The following EML6 variants were observed in gnomAD, a reference collection of about 807,000 sequenced individuals.
The protein encoded by EML6 is echinoderm microtubule-associated protein-like 6.
Under a neutral mutation model 240.1 loss-of-function variants are expected in EML6, and 154 were observed. That is an observed-to-expected ratio of 0.64 (90% CI 0.56 to 0.73). EML6 has a LOEUF of 0.73. Among genes scored for constraint, EML6 ranks in the 30% least tolerant of loss-of-function variants. The pLI is 0.00. For synonymous variants in EML6, 1,148 were observed against 899.0 expected (o/e 1.28, Z -4.95); for missense variants, 2,964 against 2,474.6 (o/e 1.20, Z -4.20).
intron 16 of EML6, among the ~76,000 whole-genome samples, chr2:54,875,971 C>T (rs1671486974): frequency 6.6e-6 from 1 of 152,168 alleles, no homozygotes; most frequent in Admixed American, 6.5e-5. Context: ...AAAACCTACG[C>T]ATTTTTTATG....
intron 7 of EML6, among the ~76,000 whole-genome samples, chr2:54,829,952 A>T (rs970383489): frequency 2.0e-5 from 3 of 152,180 alleles, no homozygotes; most frequent in Admixed American, 2.0e-4. Context: ...AAGAAATTGA[A>T]CGGCAGTCTC....
At chr2:54,738,696 A>G (rs1180873605) in intron 2 of EML6, among the ~76,000 whole-genome samples, 2 of 152,176 alleles carry the variant, frequency 1.3e-5, no homozygotes, top group Non-Finnish European at 2.9e-5. Flanking sequence ...CTTTCAGTCA[A>G]TACTATGTTG....
At chr2:54,910,558 A>G (rs1673584873) in intron 24 of EML6, among the ~76,000 whole-genome samples, 1 of 152,218 alleles carries the variant, frequency 6.6e-6, no homozygotes, top group Non-Finnish European at 1.5e-5. Flanking sequence ...TTTTATTTCT[A>G]ATTGCCATAA....
intron 26 of EML6, among the ~76,000 whole-genome samples, chr2:54,917,287 T>C (rs915729401): frequency 1.3e-5 from 2 of 152,260 alleles, no homozygotes; most frequent in South Asian, 2.1e-4. Flanking sequence ...CAACTGATTT[T>C]TAAATACCTC....
Position 54,850,199 on chromosome 2 carries a change from A to G in EML6, c.1425A>G (p.Arg475=), listed in dbSNP as rs955122469. Residue 475 remains arginine (R), a synonymous_variant, in exon 10 of 42, where the codon CGA becomes CGG. Transcript: ENST00000356458. ...AAACTAATGACGGTGCAGGAGAACG[A>G]TTGTTCTACAGAATGCCATGTAAGT... The part of the protein sequence containing the change: ...YLQTNDGAGE[R]LFYRMPSGKP... 7 of 1,551,662 alleles carry G rather than the reference A, an allele frequency of 4.5e-6. No homozygotes were observed. The highest frequency in any genetic ancestry group is 1.4e-5 in the African/African-American group (1 of 73,162).
intron 17 of EML6, among the ~76,000 whole-genome samples, 157 bp from the exon 18 acceptor site, chr2:54,890,897 C>T (rs1255786593): frequency 6.6e-6 from 1 of 152,118 alleles, no homozygotes; most frequent in Non-Finnish European, 1.5e-5. Context: ...AGCCAAAGCT[C>T]GTTATTTTAA....
chr2:54,870,034 A>G (rs924529909), intron 15 of EML6, among the ~76,000 whole-genome samples: 2 of 152,238 alleles, frequency 1.3e-5, no homozygotes, highest in African/African-American at 4.8e-5. Context: ...CTTTTCCTCA[A>G]ATGTATAGAT....
intron 28 of EML6, among the ~76,000 whole-genome samples, chr2:54,939,356 T>C (rs945926093): frequency 5.3e-5 from 8 of 152,222 alleles, no homozygotes; most frequent in Non-Finnish European, 8.8e-5. Flanking sequence ...GGTAGTTGTC[T>C]GCTTTGTCTG....
intron 28 of EML6, among the ~76,000 whole-genome samples, chr2:54,943,951 T>A (rs991455346): frequency 2.0e-5 from 3 of 152,158 alleles, no homozygotes; most frequent in African/African-American, 7.2e-5. Flanking sequence ...GAGAAGAATA[T>A]AAACGTTCTT....
At chr2:54,784,117 A>AT (rs910206587) in intron 2 of EML6, among the ~76,000 whole-genome samples, 4 of 151,538 alleles carry the variant, frequency 2.6e-5, no homozygotes, top group South Asian at 2.1e-4. Flanking sequence ...CTAATTATTT[A>AT]TTTTTTTTGT....
At chr2:54,763,750 C>A (rs1040297858) in intron 2 of EML6, among the ~76,000 whole-genome samples, 2 of 152,160 alleles carry the variant, frequency 1.3e-5, no homozygotes, top group African/African-American at 4.8e-5. Context: ...ACATTAATTT[C>A]ATCGGAAAAC....
intron 14 of EML6, 159 bp from the exon 15 acceptor site, chr2:54,869,022 C>T (rs145737741): frequency 6.7e-5 from 35 of 525,130 alleles, no homozygotes; most frequent in East Asian, 5.4e-4. Context: ...TGCCCTCAGA[C>T]GGCCACATAT....
chr2:54,732,312 A>G (rs987977341), intron 2 of EML6, among the ~76,000 whole-genome samples: 2 of 151,886 alleles, frequency 1.3e-5, no homozygotes, highest in Admixed American at 1.3e-4. Flanking sequence ...ATGATGTCCA[A>G]TTTATTAATT....
At chr2:54,737,448 G>C (rs181145900) in intron 2 of EML6, among the ~76,000 whole-genome samples, 1 of 152,038 alleles carries the variant, frequency 6.6e-6, no homozygotes, top group African/African-American at 2.4e-5. Context: ...ATAGGCATGC[G>C]CCACCGTGCC....
In EML6 at chr2:54,968,130, T is replaced by C; in HGVS notation, c.5600T>C (p.Val1867Ala). ...AACCCCTCTTTCTGTTGGAACAGCGTCCTGGGAGATGAAGTCATTGGAATC... is the reference window on the plus strand; with the variant it reads ...AACCCCTCTTTCTGTTGGAACAGCGCCCTGGGAGATGAAGTCATTGGAATC... ...EKITWASWTS[V>A]LGDEVIGIWP... is the part of the protein sequence containing the mutation. The change falls in exon 40 of 42, where the codon GTC becomes GCC. Residue 1867 changes from valine to alanine, a missense_variant and splice_region_variant. Val to Ala is a moderately conservative substitution (Grantham distance 64). Transcript: ENST00000356458. 6.4e-7 allele frequency: 1 copy of C among 1,550,946 alleles called. No individual in the cohort carries two copies. The highest frequency in any genetic ancestry group is 8.7e-7 in the Non-Finnish European group (1 of 1,146,996).
intron 10 of EML6, among the ~76,000 whole-genome samples, chr2:54,851,327 T>C (rs575586160): frequency 2.0e-5 from 3 of 152,170 alleles, no homozygotes; most frequent in African/African-American, 2.4e-5. Flanking sequence ...GCGGCAGAAT[T>C]GCTTGAACCC....
intron 26 of EML6, 101 bp from the exon 27 acceptor site, chr2:54,928,212 T>C: frequency 2.2e-6 from 2 of 919,308 alleles, no homozygotes; most frequent in Non-Finnish European, 3.5e-6. Context: ...AAATTGCTGT[T>C]GAACTGTTTC....
At chr2:54,846,964 G>A (rs1669795252) in intron 8 of EML6, among the ~76,000 whole-genome samples, 1 of 134,314 alleles carries the variant, frequency 7.4e-6, no homozygotes, top group Non-Finnish European at 1.6e-5. Flanking sequence ...CTGACACCCA[G>A]GCTGGAGTGC....
chr2:54,860,402 C>A (rs769820572), intron 12 of EML6, among the ~76,000 whole-genome samples: 1 of 152,108 alleles, frequency 6.6e-6, no homozygotes, highest in South Asian at 2.1e-4. Flanking sequence ...AAATGCAGCC[C>A]AGTTTCTACC....
Sources: allele counts gnomAD v4.1 joint callset (sites outside exome capture counted in the v4.1 genomes callset), GRCh38; gene constraint gnomAD v4.1.1; transcripts MANE v1.5; gene names NCBI Gene and HGNC (gene_info 2026-07-23, HGNC 2026-07-21).